TAFA2: variants seen among roughly 807,000 people sequenced by gnomAD.
TAFA2 encodes the protein chemokine-like protein TAFA-2.
TAFA2 carries 7 observed loss-of-function variants against 18.8 expected under a neutral mutation model. The ratio of observed to expected loss-of-function variants is 0.37; its 90% CI spans 0.21 to 0.70. The LOEUF (loss-of-function observed/expected upper bound fraction) is 0.70. Among genes scored for constraint, TAFA2 ranks in the 30% least tolerant of loss-of-function variants. The pLI, the probability that TAFA2 is intolerant of heterozygous loss-of-function variation, is 0.53. For missense variants in TAFA2, 122 were observed against 158.1 expected, an observed-to-expected ratio of 0.77 and a Z score of 1.23; for synonymous variants, 60 against 54.2, an observed-to-expected ratio of 1.11 and a Z score of -0.47.
chr12:61,875,759 A>T (rs1336588517), intron 1 of TAFA2, among the ~76,000 whole-genome samples: 1 of 152,144 alleles, frequency 6.6e-6, no homozygotes, highest in African/African-American at 2.4e-5. Context: ...AATTAGAAAA[A>T]ATTGGATTAC....
chr12:62,223,596 T>C (rs1184526374), intron 1 of TAFA2, among the ~76,000 whole-genome samples: 1 of 152,118 alleles, frequency 6.6e-6, no homozygotes, highest in Admixed American at 6.5e-5. Flanking sequence ...CAAAAATAGA[T>C]TAAGACCTAA....
chr12:61,973,994 A>G (rs533739495), intron 1 of TAFA2, among the ~76,000 whole-genome samples: 1 of 151,844 alleles, frequency 6.6e-6, no homozygotes, highest in African/African-American at 2.4e-5. Flanking sequence ...AAAACTCTCC[A>G]AAAAAAGAAG....
chr12:62,139,207 T>C (rs2062221158), intron 1 of TAFA2, among the ~76,000 whole-genome samples: 1 of 152,206 alleles, frequency 6.6e-6, no homozygotes, highest in South Asian at 2.1e-4. Context: ...TGTGTTTTAA[T>C]ACTCCTGAAA....
intron 1 of TAFA2, among the ~76,000 whole-genome samples, chr12:61,883,068 C>T (rs1875218065): frequency 6.6e-6 from 1 of 152,108 alleles, no homozygotes; most frequent in African/African-American, 2.4e-5. Flanking sequence ...TAAACACTGG[C>T]AATATAGCTG....
intron 1 of TAFA2, among the ~76,000 whole-genome samples, chr12:62,216,723 CAGAT>C (rs2062737419): frequency 6.6e-6 from 1 of 152,194 alleles, no homozygotes; most frequent in Non-Finnish European, 1.5e-5. Context: ...TCACTTGAAA[CAGAT>C]AGGTGTATAT....
chr12:61,770,453 A>C (rs992052127), intron 2 of TAFA2, among the ~76,000 whole-genome samples: 1 of 152,142 alleles, frequency 6.6e-6, no homozygotes, highest in Non-Finnish European at 1.5e-5. Flanking sequence ...TCCAAAGCCA[A>C]GACAAAGGAA....
In TAFA2 at chr12:61,918,199, C is replaced by A. The variant is rs964256124; in HGVS notation, c.-1-50773G>T. The stretch of plus-strand genomic sequence containing the variant: ...ACTCTTTTAGTTATCTTAAAATGAA[C>A]AATTAAATTATCATTTACTCTAGTC... On this transcript the variant is annotated intron_variant, in intron 1 of 4. Coordinates refer to ENST00000416284, the MANE Select transcript of TAFA2 (RefSeq NM_178539.5). Among the ~76,000 whole-genome samples, 3 of 152,128 alleles carry A rather than the reference C, an allele frequency of 2.0e-5. No individual in the cohort carries two copies. In the South Asian group the frequency reaches 6.2e-4, roughly 32 times the overall value.
rs536515136 is a variant in TAFA2, at chr12:61,799,694, C to T, written c.107-44670G>A. ...AAAATTAGCCGGGCGTGGTGGCTGG[C>T]GCCTGTAGTCCCAGCTACTCGGGAG... On this transcript the variant is annotated intron_variant, in intron 2 of 4. Coordinates refer to ENST00000416284, the MANE Select transcript of TAFA2 (RefSeq NM_178539.5). Among the ~76,000 whole-genome samples, 26 of 152,102 alleles carry T rather than the reference C, an allele frequency of 1.7e-4. 1 individual carries two copies. In the South Asian group the frequency reaches 5.0e-3, roughly 29 times the overall value.
At chr12:62,040,198 C>T (rs1404309489) in intron 1 of TAFA2, among the ~76,000 whole-genome samples, 1 of 152,086 alleles carries the variant, frequency 6.6e-6, no homozygotes, top group African/African-American at 2.4e-5. Context: ...CATTACACTA[C>T]AGTTGTTATT....
chr12:62,142,762 A>G (rs1454933372), intron 1 of TAFA2, among the ~76,000 whole-genome samples: 2 of 151,612 alleles, frequency 1.3e-5, no homozygotes, highest in Non-Finnish European at 2.9e-5. Context: ...TTCTTGAAAA[A>G]CTCCAATGAA....
chr12:61,823,433 T>C (rs1872405091), intron 2 of TAFA2, among the ~76,000 whole-genome samples: 1 of 152,142 alleles, frequency 6.6e-6, no homozygotes, highest in Non-Finnish European at 1.5e-5. Flanking sequence ...ATACTATATT[T>C]AGCTGAATAA....
intron 1 of TAFA2, among the ~76,000 whole-genome samples, chr12:61,891,508 T>C (rs1160289386): frequency 6.6e-6 from 1 of 151,774 alleles, no homozygotes; most frequent in Non-Finnish European, 1.5e-5. Flanking sequence ...ATTAGCTGGG[T>C]GTGGTGGCGC....
intron 1 of TAFA2, among the ~76,000 whole-genome samples, chr12:62,010,141 C>G (rs1268880217): frequency 4.0e-5 from 6 of 151,366 alleles, no homozygotes. Flanking sequence ...TGTAGTCCCT[C>G]TCCCTCTCCC....
At chr12:61,817,878 A>C (rs900414135) in intron 2 of TAFA2, among the ~76,000 whole-genome samples, 1 of 152,118 alleles carries the variant, frequency 6.6e-6, no homozygotes, top group Non-Finnish European at 1.5e-5. Flanking sequence ...AAGTGCTCCA[A>C]ACCTCATTCT....
At chr12:62,160,772 G>A (rs1468276169) in intron 1 of TAFA2, among the ~76,000 whole-genome samples, 1 of 152,116 alleles carries the variant, frequency 6.6e-6, no homozygotes, top group Admixed American at 6.5e-5. Context: ...TACCCATTAG[G>A]TAAATCATCA....
At chr12:62,050,332 A>T (rs550769946) in intron 1 of TAFA2, among the ~76,000 whole-genome samples, 6 of 152,228 alleles carry the variant, frequency 3.9e-5, no homozygotes, top group Middle Eastern at 3.4e-3. Flanking sequence ...GCACTTTGGG[A>T]GGCCGAGGTG....
intron 3 of TAFA2, 106 bp downstream of exon 3, chr12:61,754,765 AG>A: frequency 9.3e-7 from 1 of 1,074,052 alleles, no homozygotes; most frequent in Non-Finnish European, 1.3e-6. Context: ...TGGTATTTGT[AG>A]TATGTTCACC....
At chr12:62,152,161 T>C (rs1178541899) in intron 1 of TAFA2, among the ~76,000 whole-genome samples, 1 of 152,198 alleles carries the variant, frequency 6.6e-6, no homozygotes, top group Non-Finnish European at 1.5e-5. Flanking sequence ...TAGAAGCTTT[T>C]TCCTGCCACA....
intron 4 of TAFA2, among the ~76,000 whole-genome samples, chr12:61,749,077 G>C (rs1868875291): frequency 6.6e-6 from 1 of 150,624 alleles, no homozygotes; most frequent in Admixed American, 6.6e-5. Context: ...ACCAGCCTGG[G>C]CAGCACAGCA....
Sources: allele counts gnomAD v4.1 joint callset (sites outside exome capture counted in the v4.1 genomes callset), GRCh38; gene constraint gnomAD v4.1.1; transcripts MANE v1.5; gene names NCBI Gene and HGNC (gene_info 2026-07-23, HGNC 2026-07-21).